The following TMEM132C variants were observed in gnomAD, a reference collection of about 807,000 sequenced individuals.
The protein encoded by TMEM132C is protein phosphatase 1, regulatory subunit 152.
In TMEM132C, 29 loss-of-function variants were observed where a neutral mutation model predicts 61.4. That is an observed-to-expected ratio of 0.47 (90% CI 0.35 to 0.64). The LOEUF (loss-of-function observed/expected upper bound fraction) is 0.64. Among genes scored for constraint, TMEM132C ranks in the 30% least tolerant of loss-of-function variants. TMEM132C has a pLI of 0.00. For missense variants in TMEM132C, 1,408 were observed against 1,476.9 expected (o/e 0.95, Z 0.76); for synonymous variants, 656 against 633.1 (o/e 1.04, Z -0.54).
intron 2 of TMEM132C, among the ~76,000 whole-genome samples, chr12:128,534,571 G>A (rs527745914): frequency 2.6e-5 from 4 of 152,202 alleles, no homozygotes; most frequent in South Asian, 2.1e-4. Context: ...CTGGCTGAGC[G>A]GGGTTGGCCT....
chr12:128,288,807 C>T (rs1871158267), intron 1 of TMEM132C: 1 of 152,240 alleles, frequency 6.6e-6, no homozygotes, highest in Non-Finnish European at 1.5e-5. Context: ...TCTTTTACAA[C>T]CTTCCCTTCA....
intron 2 of TMEM132C, among the ~76,000 whole-genome samples, chr12:128,420,364 G>T (rs1413674812): frequency 1.3e-5 from 2 of 152,170 alleles, no homozygotes; most frequent in East Asian, 1.9e-4. Context: ...CATGGTCTTG[G>T]CAGGGAAACA....
rs143804352 is a variant in TMEM132C at position 128,292,350 on chromosome 12, A to G, written c.85+24863A>G. Among the ~76,000 whole-genome samples the G allele has an allele frequency of 5.1e-3, 770 of 152,216 alleles. 3 individuals carry two copies. The highest frequency in any genetic ancestry group is 8.4e-3 in the Non-Finnish European group (569 of 68,000). Reference sequence around the variant, plus strand: ...CTGTGTACAAGGGAGACAGGCCCACACTTCCCCACCTGAACCTGTTTTTGA... The same window carrying G: ...CTGTGTACAAGGGAGACAGGCCCACGCTTCCCCACCTGAACCTGTTTTTGA... On this transcript the variant is annotated intron_variant, in intron 1 of 8. Transcript: ENST00000435159.
At chr12:128,460,349 C>T (rs1870491800) in intron 2 of TMEM132C, among the ~76,000 whole-genome samples, 3 of 152,178 alleles carry the variant, frequency 2.0e-5, no homozygotes, top group Admixed American at 6.5e-5. Flanking sequence ...GCAGCCTCTC[C>T]TCACAGGGTA....
chr12:128,443,876 C>G (rs1869881162), intron 2 of TMEM132C, among the ~76,000 whole-genome samples: 2 of 152,200 alleles, frequency 1.3e-5, no homozygotes, highest in Non-Finnish European at 2.9e-5. Flanking sequence ...TCAGGATTGC[C>G]TCCTGCTGGT....
chr12:128,267,883 T>C (rs7966433), intron 1 of TMEM132C, among the ~76,000 whole-genome samples: 79,587 of 152,088 alleles, frequency 0.52, 21,025 homozygotes, highest in Admixed American at 0.55. Context: ...CTCTGTGCGC[T>C]CCTTCCTCCC....
intron 2 of TMEM132C, among the ~76,000 whole-genome samples, chr12:128,497,743 G>C (rs1593074983): frequency 6.6e-6 from 1 of 152,118 alleles, no homozygotes; most frequent in Non-Finnish European, 1.5e-5. Flanking sequence ...TCTTCCCTTG[G>C]CTGGGAAAGG....
intron 1 of TMEM132C, among the ~76,000 whole-genome samples, chr12:128,305,608 C>T (rs1007309464): frequency 6.6e-6 from 1 of 151,040 alleles, no homozygotes; most frequent in Non-Finnish European, 1.5e-5. Context: ...AAACAGTGGG[C>T]ATTAGATGAC....
intron 1 of TMEM132C, among the ~76,000 whole-genome samples, chr12:128,269,435 A>G (rs909182985): frequency 6.6e-6 from 1 of 150,738 alleles, no homozygotes; most frequent in Non-Finnish European, 1.5e-5. Context: ...CCATGTGTTC[A>G]GTGCTGGGGG....
At chr12:128,277,350 C>T (rs1447581169) in intron 1 of TMEM132C, among the ~76,000 whole-genome samples, 2 of 152,336 alleles carry the variant, frequency 1.3e-5, no homozygotes, top group East Asian at 3.9e-4. Flanking sequence ...TCTTTGCTGT[C>T]TTCATTTTGG....
intron 2 of TMEM132C, among the ~76,000 whole-genome samples, chr12:128,490,811 G>A (rs140224940): frequency 7.4e-4 from 113 of 152,260 alleles, no homozygotes; most frequent in Middle Eastern, 3.4e-3. Flanking sequence ...CATTGGTTTC[G>A]TAAAGAGAAT....
At chr12:128,528,703 C>T (rs1297530534) in intron 2 of TMEM132C, among the ~76,000 whole-genome samples, 6 of 152,282 alleles carry the variant, frequency 3.9e-5, no homozygotes, top group East Asian at 1.9e-4. Flanking sequence ...GTATCACCCA[C>T]GCTCTTACTC....
chr12:128,583,257 A>G (rs1029208991), intron 3 of TMEM132C, among the ~76,000 whole-genome samples: 2 of 151,856 alleles, frequency 1.3e-5, no homozygotes, highest in Non-Finnish European at 2.9e-5. Flanking sequence ...AAATAGATGC[A>G]CTTGTGTGCC....
At chr12:128,609,250 A>G (rs5029028) in intron 3 of TMEM132C, among the ~76,000 whole-genome samples, 1,601 of 14,298 alleles carry the variant, frequency 0.11, 96 homozygotes, top group Non-Finnish European at 0.14. Flanking sequence ...TGTTACCCCC[A>G]CCTCCCTGCA....
chr12:128,415,172 C>A lies in TMEM132C; in HGVS notation c.526C>A (p.Arg176=), dbSNP rs773447246. The A allele has an allele frequency of 3.1e-6, 5 of 1,610,588 alleles. No homozygotes were observed. Among genetic ancestry groups the A allele is most frequent in the Non-Finnish European group, 4.2e-6 (5 of 1,178,506 alleles). ...GCCATGCCTGAGGGTCTTTGCTTTCCGAGAAACCAGAGAGGTGCGGGGCAG... is the reference window on the plus strand; with the variant it reads ...GCCATGCCTGAGGGTCTTTGCTTTCAGAGAAACCAGAGAGGTGCGGGGCAG... The part of the protein sequence containing the change: ...KLPCLRVFAF[R]ETREVRGSCR... Residue 176 remains arginine, a synonymous_variant, in exon 2 of 9, where the codon CGA becomes AGA. Coordinates refer to ENST00000435159, the MANE Select transcript of TMEM132C (RefSeq NM_001136103.3). The surrounding 1 kb of genome is among the most constrained non-coding windows in gnomAD (Gnocchi z 5.8).
At chr12:128,286,556 G>C (rs1191578097) in intron 1 of TMEM132C, among the ~76,000 whole-genome samples, 1 of 152,216 alleles carries the variant, frequency 6.6e-6, no homozygotes, top group Non-Finnish European at 1.5e-5. Context: ...ATATGAAATG[G>C]CAGCTTTCAA....
intron 2 of TMEM132C, among the ~76,000 whole-genome samples, chr12:128,419,913 T>G (rs1868928283): frequency 6.6e-6 from 1 of 151,840 alleles, no homozygotes; most frequent in South Asian, 2.1e-4. Context: ...CAAAATTGGG[T>G]TGGGTATGGT....
At chr12:128,484,800 T>A (rs1373104100) in intron 2 of TMEM132C, among the ~76,000 whole-genome samples, 4 of 152,010 alleles carry the variant, frequency 2.6e-5, no homozygotes, top group Non-Finnish European at 5.9e-5. Context: ...CTATATAAAA[T>A]TTTAAAAACT....
At chr12:128,410,354 A>G (rs1868491178) in intron 1 of TMEM132C, among the ~76,000 whole-genome samples, 1 of 149,568 alleles carries the variant, frequency 6.7e-6, no homozygotes, top group Non-Finnish European at 1.5e-5. Flanking sequence ...CCACTTTATC[A>G]CTAGTTCTGA....
Sources: gnomAD v4.1 joint callset for allele counts (sites outside exome capture counted in the v4.1 genomes callset) on GRCh38, gnomAD v4.1.1 for gene constraint, Gnocchi (gnomAD v3.1) non-coding constraint, MANE v1.5 for transcripts, NCBI Gene and HGNC (gene_info 2026-07-23, HGNC 2026-07-21) for gene names.